The following IGF1R variants were observed in gnomAD, a reference collection of about 807,000 sequenced individuals.
IGF1R encodes insulin-like growth factor 1 receptor.
Under a neutral mutation model 144.6 loss-of-function variants are expected in IGF1R, and 44 were observed. The observed-to-expected ratio is 0.30, with a 90% CI of 0.24 to 0.39. IGF1R has a LOEUF of 0.39. Ranked by LOEUF, IGF1R falls within the 10% of genes least tolerant of loss-of-function variation. The pLI, the probability that IGF1R is intolerant of heterozygous loss-of-function variation, is 1.00. For missense variants in IGF1R, 1,355 were observed against 1,833.7 expected (o/e 0.74, Z 4.77); for synonymous variants, 795 against 722.8 (o/e 1.10, Z -1.60).
At chr15:98,918,768 A>G (rs2015359907) in intron 10 of IGF1R, among the ~76,000 whole-genome samples, 1 of 152,162 alleles carries the variant, frequency 6.6e-6, no homozygotes, top group African/African-American at 2.4e-5. Flanking sequence ...AATCCCAGCT[A>G]CTTGGGAAGC....
At chr15:98,712,654 G>A (rs1417434266) in intron 2 of IGF1R, among the ~76,000 whole-genome samples, 2 of 151,114 alleles carry the variant, frequency 1.3e-5, no homozygotes, top group Admixed American at 1.3e-4. Context: ...TGTCACCCAG[G>A]CTGGAGTGCA....
intron 2 of IGF1R, among the ~76,000 whole-genome samples, chr15:98,800,955 T>C (rs991556929): frequency 2.0e-5 from 3 of 152,190 alleles, no homozygotes; most frequent in Admixed American, 6.5e-5. Context: ...TTAGACTTTT[T>C]TTCTTCCTTG....
At chr15:98,771,973 C>T (rs769253133) in intron 2 of IGF1R, among the ~76,000 whole-genome samples, 4 of 151,890 alleles carry the variant, frequency 2.6e-5, no homozygotes, top group Non-Finnish European at 5.9e-5. Context: ...CTTAAATGTC[C>T]CTCCTCTAGC....
intron 2 of IGF1R, among the ~76,000 whole-genome samples, chr15:98,756,125 A>G (rs1260083162): frequency 1.3e-5 from 2 of 151,980 alleles, no homozygotes; most frequent in Non-Finnish European, 2.9e-5. Flanking sequence ...AGGGGTCTTT[A>G]GTTTTTTTCC....
At chr15:98,680,188 A>C (rs1567072149) in intron 1 of IGF1R, among the ~76,000 whole-genome samples, 1 of 151,840 alleles carries the variant, frequency 6.6e-6, no homozygotes, top group Admixed American at 6.6e-5. Flanking sequence ...ACATTCACTC[A>C]CCACTCACTG....
intron 2 of IGF1R, among the ~76,000 whole-genome samples, chr15:98,854,246 C>CA (rs2011667671): frequency 6.6e-6 from 1 of 152,182 alleles, no homozygotes; most frequent in Non-Finnish European, 1.5e-5. Flanking sequence ...GGCAGAAAGA[C>CA]ACTGTAATAA....
At chr15:98,811,901 T>G (rs1456477248) in intron 2 of IGF1R, among the ~76,000 whole-genome samples, 1 of 152,202 alleles carries the variant, frequency 6.6e-6, no homozygotes, top group Non-Finnish European at 1.5e-5. Context: ...CCAGCCTGGG[T>G]GACAGAGCCA....
At chr15:98,811,027 G>T (rs941719542) in intron 2 of IGF1R, among the ~76,000 whole-genome samples, 2 of 151,874 alleles carry the variant, frequency 1.3e-5, no homozygotes, top group Non-Finnish European at 2.9e-5. Flanking sequence ...CTGGCTGGAC[G>T]CGGTGGCTCA....
chr15:98,725,159 A>G (rs2054328109), intron 2 of IGF1R, among the ~76,000 whole-genome samples: 1 of 152,136 alleles, frequency 6.6e-6, no homozygotes, highest in African/African-American at 2.4e-5. Flanking sequence ...TAATGAGGGG[A>G]TTCGTGCAGT....
intron 2 of IGF1R, among the ~76,000 whole-genome samples, chr15:98,831,909 T>G (rs965869583): frequency 6.6e-6 from 1 of 152,024 alleles, no homozygotes; most frequent in Admixed American, 6.6e-5. Flanking sequence ...TGTTCCTCTT[T>G]GGGGATCTGG....
chr15:98,681,390 A>G (rs538891664), intron 1 of IGF1R, among the ~76,000 whole-genome samples: 41 of 152,244 alleles, frequency 2.7e-4, no homozygotes, highest in Admixed American at 8.5e-4. Context: ...GGAGGTTTTC[A>G]TTGATTGCAG....
chr15:98,651,142 T>G lies in IGF1R; in HGVS notation c.94+1467T>G, dbSNP rs971139401. On this transcript the variant is annotated intron_variant, in intron 1 of 20. Transcript: ENST00000650285. ...CGATTAACTTTGAAAAAATCACGACTGAGCCTTCACGAGTGAGGCGGGGAA... is the reference window on the plus strand; with the variant it reads ...CGATTAACTTTGAAAAAATCACGACGGAGCCTTCACGAGTGAGGCGGGGAA... The G allele has an allele frequency of 1.1e-5, 9 of 854,946 alleles. No individual in the cohort carries two copies. In the South Asian group the frequency reaches 1.6e-4, roughly 15 times the overall value. The allele number at this position is 854,946 out of a possible 1,614,324, so 53.0% of individuals were successfully genotyped here. A position where few individuals can be genotyped will look rare whatever the true frequency, so the allele number is the denominator to read the frequency against.
intron 2 of IGF1R, among the ~76,000 whole-genome samples, chr15:98,745,974 G>A (rs1048465850): frequency 1.4e-4 from 22 of 152,146 alleles, no homozygotes; most frequent in African/African-American, 5.1e-4. Flanking sequence ...AATAACCCAC[G>A]TGTTCTTCAG....
chr15:98,680,431 T>C (rs2053159652), intron 1 of IGF1R, among the ~76,000 whole-genome samples: 3 of 151,936 alleles, frequency 2.0e-5, no homozygotes, highest in Admixed American at 2.0e-4. Flanking sequence ...CACGCCTGGC[T>C]AATTTTTTGT....
intron 2 of IGF1R, among the ~76,000 whole-genome samples, chr15:98,814,921 A>G (rs778279099): frequency 4.6e-5 from 7 of 152,226 alleles, no homozygotes; most frequent in Admixed American, 6.5e-5. Context: ...TACATTCTGA[A>G]AGGAAACTTA....
At chr15:98,902,293 C>A (rs2014520175) in intron 5 of IGF1R, among the ~76,000 whole-genome samples, 1 of 152,064 alleles carries the variant, frequency 6.6e-6, no homozygotes, top group African/African-American at 2.4e-5. Context: ...TCATTTCTTC[C>A]CATGTGCATA....
intron 2 of IGF1R, among the ~76,000 whole-genome samples, chr15:98,768,954 C>A (rs1315226647): frequency 9.8e-6 from 1 of 102,410 alleles, no homozygotes; most frequent in Non-Finnish European, 2.2e-5. Context: ...ACAACAACAA[C>A]AACAACACCT....
chr15:98,777,811 G>GC (rs1176957451), intron 2 of IGF1R, among the ~76,000 whole-genome samples: 4 of 152,200 alleles, frequency 2.6e-5, no homozygotes, highest in Admixed American at 2.6e-4. Flanking sequence ...GGAGCTGGGA[G>GC]CAGCTGCATG....
chr15:98,841,632 G>A (rs1218630235), intron 2 of IGF1R, among the ~76,000 whole-genome samples: 1 of 152,140 alleles, frequency 6.6e-6, no homozygotes, highest in East Asian at 1.9e-4. Flanking sequence ...CTCTGCCTGT[G>A]GTTAGCAAAT....
Sources: allele counts gnomAD v4.1 joint callset (sites outside exome capture counted in the v4.1 genomes callset), GRCh38; gene constraint gnomAD v4.1.1; transcripts MANE v1.5; gene names NCBI Gene and HGNC (gene_info 2026-07-23, HGNC 2026-07-21).